SHROOM3: variants seen among roughly 807,000 people sequenced by gnomAD.
SHROOM3 encodes protein Shroom3.
Under a neutral mutation model 138.6 loss-of-function variants are expected in SHROOM3, and 47 were observed. That is an observed-to-expected ratio of 0.34 (90% CI 0.27 to 0.43). SHROOM3 has a LOEUF of 0.43. SHROOM3 is among the 20% of genes least tolerant of loss of function. The probability of loss-of-function intolerance (pLI) is 1.00; values close to 1 mark genes in which losing one functional copy is unlikely to be tolerated. For synonymous variants in SHROOM3, 1,062 were observed against 1,063.3 expected, an observed-to-expected ratio of 1.00 and a Z score of 0.02; for missense variants, 2,491 against 2,596.5, an observed-to-expected ratio of 0.96 and a Z score of 0.88.
intron 2 of SHROOM3, among the ~76,000 whole-genome samples, chr4:76,578,996 C>G (rs113106808): frequency 5.9e-5 from 9 of 151,870 alleles, no homozygotes; most frequent in African/African-American, 1.9e-4. Context: ...GAGACCCTGA[C>G]TTTACAAAAA....
rs541615486 is a variant in SHROOM3 at position 76,740,056 on chromosome 4, G to A, written c.1883G>A (p.Gly628Asp). ...TCCAGGCTCTCAGAGCCCTGGGAGG[G>A]CGATTTCCAGGAAGACCACAATGCC... ...RSSRLSEPWE[G>D]DFQEDHNANL... The change falls in exon 5 of 11, where the codon GGC becomes GAC. Residue 628 changes from glycine (G) to aspartate (D), a missense_variant. Gly to Asp is a moderately conservative substitution (Grantham distance 94). Coordinates refer to ENST00000296043, the MANE Select transcript of SHROOM3 (RefSeq NM_020859.4). This position sits in a 1 kb window ranked among gnomAD's most constrained non-coding sequence, Gnocchi z 4.0. The A allele has an allele frequency of 2.5e-6, 4 of 1,613,798 alleles. No individual in the cohort carries two copies. The South Asian group carries it at 4.4e-5, about 18-fold the overall frequency.
chr4:76,484,388 A>G (rs1731684649), intron 1 of SHROOM3, among the ~76,000 whole-genome samples: 1 of 151,916 alleles, frequency 6.6e-6, no homozygotes. Context: ...CCTGGGCAAC[A>G]TAGTGAGACC....
At chr4:76,618,871 T>C (rs1418334812) in intron 2 of SHROOM3, among the ~76,000 whole-genome samples, 1 of 152,262 alleles carries the variant, frequency 6.6e-6, no homozygotes, top group Non-Finnish European at 1.5e-5. Flanking sequence ...TTAGTTCTCA[T>C]GTCTTTTTAG....
At chr4:76,655,935 G>A (rs1736056671) in intron 2 of SHROOM3, among the ~76,000 whole-genome samples, 1 of 152,168 alleles carries the variant, frequency 6.6e-6, no homozygotes, top group Non-Finnish European at 1.5e-5. Context: ...TGTTATCTGT[G>A]CATGTGAGGT....
intron 2 of SHROOM3, among the ~76,000 whole-genome samples, chr4:76,614,042 T>A (rs560732684): frequency 6.1e-5 from 4 of 65,236 alleles, no homozygotes; most frequent in Non-Finnish European, 1.2e-4. Context: ...GTTTTGTTTG[T>A]TTGTTTGTTT....
In SHROOM3 at chr4:76,738,947, G is replaced by C. The variant is rs764378677; in HGVS notation, c.774G>C (p.Ser258=). The C allele has an allele frequency of 6.2e-7, 1 of 1,614,092 alleles. No individual in the cohort carries two copies. Among genetic ancestry groups the C allele is most frequent in the Admixed American group, 1.7e-5 (1 of 60,002 alleles). Residue 258 remains serine, a synonymous_variant, in exon 5 of 11, where the codon TCG becomes TCC. Coordinates refer to ENST00000296043, the MANE Select transcript of SHROOM3 (RefSeq NM_020859.4). ...GCCACTTCCATAACAAGAGAGACTC[G>C]GCTTACAGCTCTTTCTCCACCAGTT... The part of the protein sequence containing the change: ...QLSHFHNKRD[S]AYSSFSTSSS...
At chr4:76,475,849 C>T (rs1395807542) in intron 1 of SHROOM3, among the ~76,000 whole-genome samples, 1 of 152,174 alleles carries the variant, frequency 6.6e-6, no homozygotes, top group Non-Finnish European at 1.5e-5. Context: ...TTTACAATAG[C>T]TTTCATTAAT....
intron 3 of SHROOM3, among the ~76,000 whole-genome samples, chr4:76,723,838 C>T (rs1291837679): frequency 6.6e-6 from 1 of 152,184 alleles, no homozygotes; most frequent in Non-Finnish European, 1.5e-5. Context: ...GTGGTTGGCA[C>T]TCAGTAGGCA....
At chr4:76,632,075 T>C (rs939397189) in intron 2 of SHROOM3, among the ~76,000 whole-genome samples, 1 of 152,068 alleles carries the variant, frequency 6.6e-6, no homozygotes. Context: ...AACTGGAGAA[T>C]AGCAAGTTTG....
intron 1 of SHROOM3, among the ~76,000 whole-genome samples, chr4:76,455,894 G>A (rs1417463310): frequency 6.6e-6 from 1 of 152,080 alleles, no homozygotes; most frequent in African/African-American, 2.4e-5. Context: ...GTGAGGAATT[G>A]GTTCCATTTG....
chr4:76,580,210 T>C (rs1240545250), intron 2 of SHROOM3, among the ~76,000 whole-genome samples: 1 of 152,252 alleles, frequency 6.6e-6, no homozygotes, highest in Non-Finnish European at 1.5e-5. Flanking sequence ...GCCATTCAAC[T>C]GATCCCCTCT....
At chr4:76,747,669 C>T (rs1721484263) in intron 5 of SHROOM3, among the ~76,000 whole-genome samples, 1 of 152,088 alleles carries the variant, frequency 6.6e-6, no homozygotes, top group East Asian at 1.9e-4. Context: ...CAAAGTAGCA[C>T]ATTCTTGTCA....
intron 2 of SHROOM3, among the ~76,000 whole-genome samples, chr4:76,642,053 T>C (rs1735685967): frequency 6.6e-6 from 1 of 152,168 alleles, no homozygotes; most frequent in Admixed American, 6.5e-5. Context: ...AGACACACAC[T>C]TCATGCCCTC....
chr4:76,698,600 A>AG (rs1279318592), intron 2 of SHROOM3, among the ~76,000 whole-genome samples: 1 of 152,078 alleles, frequency 6.6e-6, no homozygotes, highest in Non-Finnish European at 1.5e-5. Context: ...ACAAAAGGGG[A>AG]GGGGTCTCCT....
At chr4:76,703,479 A>C (rs921403649) in intron 2 of SHROOM3, among the ~76,000 whole-genome samples, 5 of 152,176 alleles carry the variant, frequency 3.3e-5, no homozygotes, top group African/African-American at 1.2e-4. Flanking sequence ...TCAGAAAATG[A>C]AGAGCACCTA....
chr4:76,502,583 G>A (rs1408953298), intron 1 of SHROOM3, among the ~76,000 whole-genome samples: 1 of 152,112 alleles, frequency 6.6e-6, no homozygotes, highest in Non-Finnish European at 1.5e-5. Flanking sequence ...TGGTGTGTGG[G>A]GAAAACCCCC....
At chr4:76,445,478 T>A (rs905326584) in intron 1 of SHROOM3, among the ~76,000 whole-genome samples, 1 of 152,160 alleles carries the variant, frequency 6.6e-6, no homozygotes, top group African/African-American at 2.4e-5. Flanking sequence ...TCTGAGGAGA[T>A]GACATTTGAG....
At chr4:76,694,139 A>G (rs1407092923) in intron 2 of SHROOM3, among the ~76,000 whole-genome samples, 1 of 152,166 alleles carries the variant, frequency 6.6e-6, no homozygotes, top group Non-Finnish European at 1.5e-5. Context: ...TATTTTGCCA[A>G]CTCCAAGTGA....
At chr4:76,579,337 A>G (rs562370156) in intron 2 of SHROOM3, among the ~76,000 whole-genome samples, 38 of 151,806 alleles carry the variant, frequency 2.5e-4, no homozygotes, top group South Asian at 8.4e-4. Flanking sequence ...GCGTGGTGGC[A>G]GGCGCCTGTA....
Sources: gnomAD v4.1 joint callset for allele counts (sites outside exome capture counted in the v4.1 genomes callset) on GRCh38, gnomAD v4.1.1 for gene constraint, Gnocchi (gnomAD v3.1) non-coding constraint, MANE v1.5 for transcripts, NCBI Gene and HGNC (gene_info 2026-07-23, HGNC 2026-07-21) for gene names.